PDZRN4: variants seen among roughly 807,000 people sequenced by gnomAD.
The protein encoded by PDZRN4 is PDZ domain containing ring finger 4.
PDZRN4 carries 70 observed loss-of-function variants against 99.0 expected under a neutral mutation model. The ratio of observed to expected loss-of-function variants is 0.71; its 90% CI spans 0.58 to 0.86. PDZRN4 has a LOEUF of 0.86. PDZRN4 is among the 40% of genes least tolerant of loss of function. The pLI, the probability that PDZRN4 is intolerant of heterozygous loss-of-function variation, is 0.00. For synonymous variants in PDZRN4, 551 were observed against 501.6 expected (o/e 1.10, Z -1.32); for missense variants, 1,474 against 1,331.2 (o/e 1.11, Z -1.67).
intron 3 of PDZRN4, among the ~76,000 whole-genome samples, chr12:41,212,878 C>T (rs4768335): frequency 0.69 from 104,150 of 151,816 alleles, 36,055 homozygotes; most frequent in South Asian, 0.75. Flanking sequence ...TGAGTATGTG[C>T]GGAAGCTCTG....
intron 3 of PDZRN4, among the ~76,000 whole-genome samples, chr12:41,441,425 A>G (rs1375496312): frequency 6.6e-6 from 1 of 152,180 alleles, no homozygotes; most frequent in Admixed American, 6.6e-5. Context: ...CACCACCTGC[A>G]TCTGTGAATT....
intron 3 of PDZRN4, among the ~76,000 whole-genome samples, chr12:41,270,509 C>CT (rs1226302676): frequency 6.6e-6 from 1 of 152,018 alleles, no homozygotes; most frequent in African/African-American, 2.4e-5. Flanking sequence ...AGGCTTATTT[C>CT]TTTAAAAAAA....
At chr12:41,450,706 G>A (rs187798832) in intron 3 of PDZRN4, among the ~76,000 whole-genome samples, 69 of 152,200 alleles carry the variant, frequency 4.5e-4, no homozygotes, top group African/African-American at 1.6e-3. Flanking sequence ...GGGATCACTT[G>A]AGGCCAGAAG....
At chr12:41,457,221 C>A (rs2120521375) in intron 3 of PDZRN4, among the ~76,000 whole-genome samples, 1 of 152,250 alleles carries the variant, frequency 6.6e-6, no homozygotes, top group African/African-American at 2.4e-5. Context: ...AAACACTATG[C>A]TATTGGAGTA....
At chr12:41,532,086 C>T (rs1252899965) in intron 5 of PDZRN4, among the ~76,000 whole-genome samples, 1 of 152,092 alleles carries the variant, frequency 6.6e-6, no homozygotes, top group Non-Finnish European at 1.5e-5. Flanking sequence ...TTTTAACCCA[C>T]AGAGATTATT....
chr12:41,372,717 C>T (rs772376501), intron 3 of PDZRN4, among the ~76,000 whole-genome samples: 23 of 152,114 alleles, frequency 1.5e-4, no homozygotes, highest in Admixed American at 4.6e-4. Context: ...ACACTTAAGT[C>T]TAGAGAAGAG....
chr12:41,252,159 T>C (rs541539455), intron 3 of PDZRN4, among the ~76,000 whole-genome samples: 47 of 152,178 alleles, frequency 3.1e-4, no homozygotes, highest in African/African-American at 1.1e-3. Flanking sequence ...AAAATAAGCA[T>C]TGCAATACAA....
intron 3 of PDZRN4, among the ~76,000 whole-genome samples, chr12:41,297,832 T>A (rs1951506093): frequency 6.6e-6 from 1 of 152,126 alleles, no homozygotes; most frequent in Non-Finnish European, 1.5e-5. Flanking sequence ...CCAAACTGAC[T>A]ATTAGGCTAA....
At chr12:41,338,505 A>T (rs1565555884) in intron 3 of PDZRN4, among the ~76,000 whole-genome samples, 1 of 152,010 alleles carries the variant, frequency 6.6e-6, no homozygotes, top group Non-Finnish European at 1.5e-5. Context: ...AATTCAAAAG[A>T]TCAACCAACC....
intron 3 of PDZRN4, among the ~76,000 whole-genome samples, chr12:41,201,304 T>C (rs1373564815): frequency 6.6e-6 from 1 of 152,068 alleles, no homozygotes; most frequent in Non-Finnish European, 1.5e-5. Context: ...AACTCCTTTG[T>C]ATCCTCAAAT....
intron 3 of PDZRN4, among the ~76,000 whole-genome samples, chr12:41,279,750 A>T (rs1791491449): frequency 6.6e-6 from 1 of 152,220 alleles, no homozygotes; most frequent in Non-Finnish European, 1.5e-5. Flanking sequence ...ACAAAGAACT[A>T]GAGTTGGAGA....
intron 3 of PDZRN4, among the ~76,000 whole-genome samples, chr12:41,422,607 A>T (rs1159419257): frequency 6.6e-6 from 1 of 152,000 alleles, no homozygotes; most frequent in Non-Finnish European, 1.5e-5. Flanking sequence ...GAGAGAGTGG[A>T]TGAGGGGGAA....
At chr12:41,549,271 C>T (rs1939014033) in intron 5 of PDZRN4, among the ~76,000 whole-genome samples, 1 of 152,118 alleles carries the variant, frequency 6.6e-6, no homozygotes, top group Non-Finnish European at 1.5e-5. Context: ...TTCTCTATTA[C>T]CAAGAGGTTG....
chr12:41,446,245 C>CTTTATTTAGTTATTTA (rs1952727394), intron 3 of PDZRN4, among the ~76,000 whole-genome samples: 1 of 148,290 alleles, frequency 6.7e-6, no homozygotes, highest in Non-Finnish European at 1.5e-5. Context: ...CATTGTAGGG[C>CTTTATTTAGTTATTTA]TTTATTTATT....
At chr12:41,280,314 TG>T (rs1465110714) in intron 3 of PDZRN4, among the ~76,000 whole-genome samples, 11 of 152,202 alleles carry the variant, frequency 7.2e-5, no homozygotes, top group Admixed American at 7.2e-4. Context: ...GAGCTAGCTG[TG>T]GGAGTTTTTT....
At chr12:41,568,261 T>G (rs1045934675) in intron 9 of PDZRN4, among the ~76,000 whole-genome samples, 2 of 152,188 alleles carry the variant, frequency 1.3e-5, no homozygotes, top group African/African-American at 2.4e-5. Flanking sequence ...TAAGTAATTT[T>G]TTTTACTCTA....
At chr12:41,478,225 C>T (rs1413394547) in intron 3 of PDZRN4, among the ~76,000 whole-genome samples, 2 of 152,098 alleles carry the variant, frequency 1.3e-5, no homozygotes, top group African/African-American at 2.4e-5. Context: ...AAGCGATTCT[C>T]GTGCCTCAGC....
chr12:41,223,868 G>T lies in PDZRN4; in HGVS notation c.843+29680G>T, dbSNP rs377440435. Among the ~76,000 whole-genome samples the T allele has an allele frequency of 3.3e-5, 5 of 152,338 alleles. No homozygotes were observed. The South Asian group carries it at 8.3e-4, about 25-fold the overall frequency. ...AAGGCTGCAGCCCCTTTATGACCCTGTGGGTCCAGGGCAGGGTTAGAGGGA... is the reference window on the plus strand; with the variant it reads ...AAGGCTGCAGCCCCTTTATGACCCTTTGGGTCCAGGGCAGGGTTAGAGGGA... On this transcript the variant is annotated intron_variant, in intron 3 of 9. Coordinates refer to ENST00000402685, the MANE Select transcript of PDZRN4 (RefSeq NM_001164595.2).
intron 3 of PDZRN4, among the ~76,000 whole-genome samples, chr12:41,498,913 T>G (rs1938060382): frequency 6.6e-6 from 1 of 152,162 alleles, no homozygotes; most frequent in Non-Finnish European, 1.5e-5. Context: ...ATTTTAGTTC[T>G]TGCCACATTT....
Sources: allele counts gnomAD v4.1 joint callset (sites outside exome capture counted in the v4.1 genomes callset), GRCh38; gene constraint gnomAD v4.1.1; transcripts MANE v1.5; gene names NCBI Gene and HGNC (gene_info 2026-07-23, HGNC 2026-07-21).